Variants in SCFD2 observed in about 807,000 individuals in gnomAD.
The protein encoded by SCFD2 is sec1 family domain-containing protein 2.
Under a neutral mutation model 58.9 loss-of-function variants are expected in SCFD2, and 54 were observed. The observed-to-expected ratio is 0.92, with a 90% CI of 0.74 to 1.15. The LOEUF (loss-of-function observed/expected upper bound fraction) is 1.15, where lower values mean the gene tolerates loss of function less well. Among genes scored for constraint, SCFD2 ranks in the 50% most tolerant of loss-of-function variants. The pLI is 0.00. For synonymous variants in SCFD2, 321 were observed against 335.9 expected (o/e 0.96, Z 0.49); for missense variants, 805 against 836.6 (o/e 0.96, Z 0.47).
chr4:53,096,058 T>C (rs942412605), intron 5 of SCFD2, among the ~76,000 whole-genome samples: 32 of 152,200 alleles, frequency 2.1e-4, no homozygotes, highest in Non-Finnish European at 4.3e-4. Context: ...CTCATCATTT[T>C]TTATGGCTGC....
chr4:53,265,845 TCCTCCTGCCTCAG>T (rs1730969372), intron 4 of SCFD2, among the ~76,000 whole-genome samples: 1 of 152,082 alleles, frequency 6.6e-6, no homozygotes, highest in East Asian at 1.9e-4. Flanking sequence ...GCTCAAGTGA[TCCTCCTGCCTCAG>T]CCTCCTGAGT....
Position 52,873,770 on chromosome 4 carries a change from C to CTTT in SCFD2, c.*196_*198dup, listed in dbSNP as rs74931823. 36 of 332,366 alleles carry CTTT rather than the reference C, an allele frequency of 1.1e-4. No homozygotes were observed. The highest frequency in any genetic ancestry group is 2.2e-4 in the South Asian group (3 of 13,354). The allele number at this position is 332,366 out of a possible 1,614,324, so 20.6% of individuals were successfully genotyped here. A position where few individuals can be genotyped will look rare whatever the true frequency, so the allele number is the denominator to read the frequency against. ...TGTCGCCTTCAGGAAAATAAAAAAA[C>CTTT]TTTTTTTTTTTTTTTTTAAGAATCA... is the stretch of plus-strand genomic sequence containing the variant. On this transcript the variant is annotated 3_prime_UTR_variant, in exon 9 of 9. Transcript: ENST00000401642.
chr4:53,308,395 TG>T (rs914837241), intron 3 of SCFD2, among the ~76,000 whole-genome samples: 24 of 152,186 alleles, frequency 1.6e-4, no homozygotes, highest in Non-Finnish European at 4.4e-5. Flanking sequence ...TCACATGGTA[TG>T]TTAGTCTTAC....
At chr4:52,909,077 A>G (rs1394094478) in intron 6 of SCFD2, among the ~76,000 whole-genome samples, 1 of 152,164 alleles carries the variant, frequency 6.6e-6, no homozygotes, top group Non-Finnish European at 1.5e-5. Flanking sequence ...TGATGAGGCC[A>G]TGGGGTAACA....
intron 5 of SCFD2, among the ~76,000 whole-genome samples, chr4:53,070,221 A>T (rs1723777844): frequency 6.6e-6 from 1 of 152,110 alleles, no homozygotes; most frequent in Admixed American, 6.6e-5. Flanking sequence ...TGGTTTTATC[A>T]GTTGTTGACT....
At chr4:53,100,903 T>C (rs1724814234) in intron 5 of SCFD2, among the ~76,000 whole-genome samples, 1 of 152,166 alleles carries the variant, frequency 6.6e-6, no homozygotes, top group Non-Finnish European at 1.5e-5. Context: ...CTCAGAATTT[T>C]TGCATAAATA....
chr4:52,892,624 T>A (rs927457053), intron 7 of SCFD2, among the ~76,000 whole-genome samples: 3 of 152,280 alleles, frequency 2.0e-5, no homozygotes, highest in Admixed American at 6.5e-5. Context: ...TCTGGCAAAA[T>A]CCAACTCCCC....
chr4:52,938,675 A>T (rs1020445619), intron 5 of SCFD2, among the ~76,000 whole-genome samples: 2 of 152,112 alleles, frequency 1.3e-5, no homozygotes, highest in Non-Finnish European at 2.9e-5. Context: ...CCTTAAAATA[A>T]TTTTTTATTC....
rs544097150 is a variant in SCFD2 at position 53,181,803 on chromosome 4, C to A, written c.1312-36221G>T. 3.9e-5 allele frequency among the ~76,000 whole-genome samples: 6 copies of A among 152,322 alleles called. No homozygotes were observed. In the South Asian group the frequency reaches 1.2e-3, roughly 32 times the overall value. ...TCCTCAAGCTGATAAGCAACTTCAG[C>A]AAAGTCTCAGGATACAAAATCAATG... On this transcript the variant is annotated intron_variant, in intron 4 of 8. Coordinates refer to ENST00000401642, the MANE Select transcript of SCFD2 (RefSeq NM_152540.4).
chr4:53,007,305 G>GGAGAGAAA (rs1721991446), intron 5 of SCFD2, among the ~76,000 whole-genome samples: 1 of 66,072 alleles, frequency 1.5e-5, no homozygotes, highest in Non-Finnish European at 2.7e-5. Context: ...AGAGGGAGAG[G>GGAGAGAAA]GAGAGAGAGA....
intron 5 of SCFD2, among the ~76,000 whole-genome samples, chr4:53,089,418 C>A (rs1021274884): frequency 1.3e-5 from 2 of 150,394 alleles, no homozygotes; most frequent in African/African-American, 4.8e-5. Flanking sequence ...CTGTTTTGAA[C>A]CACAAAATTT....
chr4:53,246,837 A>G (rs1038460273), intron 4 of SCFD2, among the ~76,000 whole-genome samples: 1 of 152,090 alleles, frequency 6.6e-6, no homozygotes, highest in Non-Finnish European at 1.5e-5. Flanking sequence ...CAAAAGAAAA[A>G]AATTATAAAT....
intron 4 of SCFD2, among the ~76,000 whole-genome samples, chr4:53,195,211 T>G (rs1728026496): frequency 6.6e-6 from 1 of 152,164 alleles, no homozygotes; most frequent in Admixed American, 6.5e-5. Flanking sequence ...TAATGGTATA[T>G]GTAAAGAACT....
intron 4 of SCFD2, among the ~76,000 whole-genome samples, chr4:53,226,907 A>T (rs529192702): frequency 6.6e-6 from 1 of 152,334 alleles, no homozygotes; most frequent in East Asian, 1.9e-4. Context: ...ACTCTTGTAC[A>T]GTTATCAGGG....
At chr4:53,226,663 G>C (rs1577864719) in intron 4 of SCFD2, among the ~76,000 whole-genome samples, 1 of 152,230 alleles carries the variant, frequency 6.6e-6, no homozygotes, top group East Asian at 1.9e-4. Flanking sequence ...GAGAGCTAAG[G>C]AGACTGATAA....
chr4:53,296,429 G>C (rs536990501), intron 3 of SCFD2, among the ~76,000 whole-genome samples: 1 of 152,134 alleles, frequency 6.6e-6, no homozygotes, highest in South Asian at 2.1e-4. Flanking sequence ...TTGCATAGAG[G>C]TGTTTATAGT....
At chr4:53,043,365 C>T (rs1211527402) in intron 5 of SCFD2, among the ~76,000 whole-genome samples, 1 of 152,014 alleles carries the variant, frequency 6.6e-6, no homozygotes, top group African/African-American at 2.4e-5. Context: ...TGTCAACTAA[C>T]AAATGTAAAT....
chr4:52,898,691 C>T (rs1390953555), intron 7 of SCFD2, among the ~76,000 whole-genome samples: 1 of 152,162 alleles, frequency 6.6e-6, no homozygotes, highest in African/African-American at 2.4e-5. Flanking sequence ...GAGCTGAGTT[C>T]AATTCCTGGA....
intron 3 of SCFD2, among the ~76,000 whole-genome samples, chr4:53,283,845 C>T (rs1019181808): frequency 2.0e-5 from 3 of 152,038 alleles, no homozygotes; most frequent in Non-Finnish European, 4.4e-5. Flanking sequence ...AGGCCAGGCA[C>T]GGTGTCTCAC....
Sources: allele counts gnomAD v4.1 joint callset (sites outside exome capture counted in the v4.1 genomes callset), GRCh38; gene constraint gnomAD v4.1.1; transcripts MANE v1.5; gene names NCBI Gene and HGNC (gene_info 2026-07-23, HGNC 2026-07-21).